Variants in CNTNAP2 observed in about 807,000 individuals in gnomAD.
The protein encoded by CNTNAP2 is contactin associated protein 2.
In CNTNAP2, 98 loss-of-function variants were observed where a neutral mutation model predicts 155.2. The ratio of observed to expected loss-of-function variants is 0.63; its 90% CI spans 0.54 to 0.75. The LOEUF is 0.75. Among genes scored for constraint, CNTNAP2 ranks in the 30% least tolerant of loss-of-function variants. CNTNAP2 has a pLI of 0.00. For missense variants in CNTNAP2, 1,727 were observed against 1,688.1 expected (o/e 1.02, Z -0.40); for synonymous variants, 651 against 631.2 (o/e 1.03, Z -0.47).
chr7:147,643,679 A>G (rs185446127), intron 13 of CNTNAP2, among the ~76,000 whole-genome samples: 149 of 152,316 alleles, frequency 9.8e-4, no homozygotes, highest in African/African-American at 3.5e-3. Flanking sequence ...TATATTCATT[A>G]TAGTGATTGC....
At chr7:148,241,402 C>A (rs1918287) in intron 20 of CNTNAP2, among the ~76,000 whole-genome samples, 107,080 of 152,098 alleles carry the variant, frequency 0.7, 39,181 homozygotes, top group East Asian at 0.95. Context: ...TAAGCATATT[C>A]TCAGCACCTA....
At chr7:146,676,936 T>C (rs905453209) in intron 1 of CNTNAP2, among the ~76,000 whole-genome samples, 2 of 152,146 alleles carry the variant, frequency 1.3e-5, no homozygotes, top group African/African-American at 2.4e-5. Flanking sequence ...CCAAACCATA[T>C]TGGCACTTCT....
intron 11 of CNTNAP2, among the ~76,000 whole-genome samples, chr7:147,561,453 G>A (rs894227345): frequency 9.2e-5 from 14 of 152,238 alleles, no homozygotes; most frequent in South Asian, 4.1e-4. Context: ...TGCAGTCTCA[G>A]TGAGAAAAAG....
intron 1 of CNTNAP2, among the ~76,000 whole-genome samples, chr7:146,293,644 T>TTG (rs1800466429): frequency 3.9e-5 from 6 of 152,302 alleles, no homozygotes; most frequent in African/African-American, 1.4e-4. Context: ...CTCTAGAACT[T>TTG]TGTCAAACAG....
Position 147,903,609 on chromosome 7 carries a change from C to A in CNTNAP2, c.2143C>A (p.His715Asn), listed in dbSNP as rs1025615196. 1.9e-6 allele frequency: 3 copies of A among 1,614,054 alleles called. No individual in the cohort carries two copies. The highest frequency in any genetic ancestry group is 2.5e-6 in the Non-Finnish European group (3 of 1,180,034). Residue 715 changes from histidine (H) to asparagine (N), a missense_variant, in exon 14 of 24, where the codon CAC becomes AAC. By Grantham distance (68) the His-to-Asn change is moderately conservative. Coordinates refer to ENST00000361727, the MANE Select transcript of CNTNAP2 (RefSeq NM_014141.6). ...GTGGGTTGGCAAAGCCAACGAGAAG[C>A]ACTACTACTGGGGAGGCTCTGGGCC... ...TWWVGKANEK[H>N]YYWGGSGPGI...
intron 1 of CNTNAP2, among the ~76,000 whole-genome samples, chr7:146,185,405 A>C (rs1277833317): frequency 6.6e-6 from 1 of 152,120 alleles, no homozygotes; most frequent in Non-Finnish European, 1.5e-5. Flanking sequence ...TTCGATAGAG[A>C]CCATGTAACT....
intron 12 of CNTNAP2, among the ~76,000 whole-genome samples, chr7:147,598,948 C>T (rs1187352930): frequency 6.6e-6 from 1 of 152,118 alleles, no homozygotes; most frequent in African/African-American, 2.4e-5. Context: ...TTTCCTGAGG[C>T]CTCCCCAGCC....
chr7:146,761,622 C>G (rs1410954596), intron 1 of CNTNAP2, among the ~76,000 whole-genome samples: 1 of 152,066 alleles, frequency 6.6e-6, no homozygotes, highest in African/African-American at 2.4e-5. Flanking sequence ...GAGTGCTCTT[C>G]TCTGTCATTT....
At chr7:147,420,135 C>T (rs773848732) in intron 10 of CNTNAP2, among the ~76,000 whole-genome samples, 8 of 152,092 alleles carry the variant, frequency 5.3e-5, no homozygotes, top group Non-Finnish European at 8.8e-5. Context: ...TAAATTGCAC[C>T]ATTTGCCAAA....
intron 8 of CNTNAP2, among the ~76,000 whole-genome samples, chr7:147,260,007 C>G (rs1372119136): frequency 6.6e-6 from 1 of 152,170 alleles, no homozygotes; most frequent in Non-Finnish European, 1.5e-5. Context: ...GTCATTGGGT[C>G]AGTCTTGTTG....
chr7:146,465,791 T>G (rs1796708710), intron 1 of CNTNAP2, among the ~76,000 whole-genome samples: 1 of 152,162 alleles, frequency 6.6e-6, no homozygotes, highest in African/African-American at 2.4e-5. Flanking sequence ...TGAGAATTTA[T>G]TTGGTTTATG....
chr7:147,524,377 T>A (rs1459736384), intron 11 of CNTNAP2, among the ~76,000 whole-genome samples: 1 of 151,780 alleles, frequency 6.6e-6, no homozygotes. Flanking sequence ...GCAACAAGAG[T>A]GAAACTCCAT....
chr7:147,624,477 A>G (rs1388257663), intron 12 of CNTNAP2, among the ~76,000 whole-genome samples: 1 of 152,192 alleles, frequency 6.6e-6, no homozygotes, highest in Non-Finnish European at 1.5e-5. Flanking sequence ...TCAAAAGAAG[A>G]CATACAAATG....
chr7:146,533,070 C>G (rs569319914), intron 1 of CNTNAP2, among the ~76,000 whole-genome samples: 1 of 141,434 alleles, frequency 7.1e-6, no homozygotes, highest in South Asian at 2.2e-4. Flanking sequence ...CCACTGCACT[C>G]CAGCTTAGGC....
intron 1 of CNTNAP2, among the ~76,000 whole-genome samples, chr7:146,150,100 TG>T (rs1421370674): frequency 6.6e-6 from 1 of 151,910 alleles, no homozygotes; most frequent in Non-Finnish European, 1.5e-5. Context: ...ACAGTAAAAA[TG>T]GGGGAAAGAT....
chr7:147,285,495 T>C (rs891806244), intron 8 of CNTNAP2, among the ~76,000 whole-genome samples: 1 of 152,048 alleles, frequency 6.6e-6, no homozygotes, highest in African/African-American at 2.4e-5. Flanking sequence ...TTTTAAGCTT[T>C]TGTTATAAAC....
rs561250635 is a variant in CNTNAP2, at chr7:146,995,351, A to T, written c.403-48556A>T. Among the ~76,000 whole-genome samples, 8 of 152,218 alleles carry T rather than the reference A, an allele frequency of 5.3e-5. No individual in the cohort carries two copies. In the South Asian group the frequency reaches 1.5e-3, roughly 28 times the overall value. ...ACTTTATTTCCTTTGGATCTATACC[A>T]TTAACAAAAGTGTTAGATCATGCGG... is the stretch of plus-strand genomic sequence containing the variant. On this transcript the variant is annotated intron_variant, in intron 3 of 23. Transcript: ENST00000361727.
intron 1 of CNTNAP2, among the ~76,000 whole-genome samples, chr7:146,611,100 T>G (rs1232844288): frequency 2.0e-5 from 3 of 152,186 alleles, no homozygotes; most frequent in African/African-American, 7.2e-5. Flanking sequence ...GTTTATGTAT[T>G]TTGCTTTTAC....
chr7:147,735,930 TG>T (rs1279685827), intron 13 of CNTNAP2, among the ~76,000 whole-genome samples: 1 of 150,682 alleles, frequency 6.6e-6, no homozygotes, highest in African/African-American at 2.4e-5. Flanking sequence ...GCACATGAGA[TG>T]GGTTTCCTGA....
Sources: gnomAD v4.1 joint callset for allele counts (sites outside exome capture counted in the v4.1 genomes callset) on GRCh38, gnomAD v4.1.1 for gene constraint, MANE v1.5 for transcripts, NCBI Gene and HGNC (gene_info 2026-07-23, HGNC 2026-07-21) for gene names.